The following WNT10A variants were observed in gnomAD, a reference collection of about 807,000 sequenced individuals.
The protein encoded by WNT10A is protein Wnt-10a.
A neutral mutation model predicts 36.1 loss-of-function variants in WNT10A; 37 were observed. The ratio of observed to expected loss-of-function variants is 1.02; its 90% CI spans 0.79 to 1.35. The LOEUF (loss-of-function observed/expected upper bound fraction) is 1.35. Among genes scored for constraint, WNT10A ranks in the 40% most tolerant of loss-of-function variants. The probability of loss-of-function intolerance (pLI) is 0.00; values close to 1 mark genes in which losing one functional copy is unlikely to be tolerated. For missense variants in WNT10A, 613 were observed against 601.4 expected (o/e 1.02, Z -0.20); for synonymous variants, 255 against 254.1 (o/e 1.00, Z -0.03).
intron 3 of WNT10A, among the ~76,000 whole-genome samples, chr2:218,892,499 C>T (rs1944664753): frequency 6.6e-6 from 1 of 152,234 alleles, no homozygotes; most frequent in Non-Finnish European, 1.5e-5. Flanking sequence ...GGGCCCCCTG[C>T]AGCTGCTGGA....
chr2:218,875,481 C>T, the WNT10A span, among the ~76,000 whole-genome samples: 1 of 152,110 alleles, frequency 6.6e-6, no homozygotes, highest in African/African-American at 2.4e-5. Flanking sequence ...TGAGCCACCG[C>T]GCCCGGCCAA....
chr2:218,892,868 G>A lies in WNT10A; in HGVS notation c.851G>A (p.Arg284His), dbSNP rs1187476681. The part of the protein sequence containing the change: ...KTCWQVTPEF[R>H]TVGALLRSRF... ...TGCTGGCAGGTGACGCCCGAGTTCC[G>A]CACCGTGGGGGCGCTGCTGCGCAGC... The change falls in exon 4 of 4, where the codon CGC becomes CAC. Residue 284 changes from arginine (R) to histidine (H), a missense_variant. Transcript: ENST00000258411. 6.3e-7 allele frequency: 1 copy of A among 1,579,098 alleles called. No individual in the cohort carries two copies. Among genetic ancestry groups the A allele is most frequent in the South Asian group, 1.2e-5 (1 of 86,680 alleles).
At chr2:218,880,840 G>A (rs1420179749), upstream of WNT10A, 5 of 815,958 alleles carry the variant, frequency 6.1e-6, no homozygotes, top group South Asian at 6.3e-5. The surrounding 1 kb of genome is among the most constrained non-coding windows in gnomAD (Gnocchi z 7.7). Flanking sequence ...ATGGAGCGGG[G>A]AGGCGGGCGC....
At chr2:218,881,223 A>G in intron 1 of WNT10A, 115 bp downstream of exon 1, 1 of 1,474,948 alleles carries the variant, frequency 6.8e-7, no homozygotes, top group East Asian at 2.5e-5. Context: ...ACAGGGTCAT[A>G]GGAAAGTGCT....
At chr2:218,875,333 C>T in the WNT10A span, among the ~76,000 whole-genome samples, 5 of 151,378 alleles carry the variant, frequency 3.3e-5, no homozygotes, top group African/African-American at 9.7e-5. Context: ...GGACTACAGG[C>T]GCCCACCACC....
Position 218,880,975 on chromosome 2 carries a change from G to A in WNT10A, c.-21G>A. The stretch of plus-strand genomic sequence containing the variant: ...CTGGGCTGTGAGCCCCCCACTCCCA[G>A]CCCGTCAGGGCCTGCGCGCCATGGG... On this transcript the variant is annotated 5_prime_UTR_variant, in exon 1 of 4. Coordinates refer to ENST00000258411, the MANE Select transcript of WNT10A (RefSeq NM_025216.3). This position sits in a 1 kb window ranked among gnomAD's most constrained non-coding sequence, Gnocchi z 7.7. 1 of 1,555,978 alleles carries A rather than the reference G, an allele frequency of 6.4e-7. No individual in the cohort carries two copies. The highest frequency in any genetic ancestry group is 8.7e-7 in the Non-Finnish European group (1 of 1,150,044).
chr2:218,890,971 C>T (rs185159988), intron 3 of WNT10A, among the ~76,000 whole-genome samples: 2 of 152,288 alleles, frequency 1.3e-5, no homozygotes, highest in Admixed American at 6.5e-5. Context: ...TACACACATA[C>T]ATAAAAAAGC....
rs745962060 is a variant in WNT10A, at chr2:218,882,257, G to C, written c.210G>C (p.Arg70=). 2 of 1,614,194 alleles carry C rather than the reference G, an allele frequency of 1.2e-6. No individual in the cohort carries two copies. The highest frequency in any genetic ancestry group is 1.1e-5 in the South Asian group (1 of 91,082). Residue 70 remains arginine, a synonymous_variant, in exon 2 of 4, where the codon CGG becomes CGC. Transcript: ENST00000258411. ...TAACATTGCCAGGCCTGAGCCGGCG[G>C]CAGATGGAGGTGTGTGTGCGTCACC... ...VCLTLPGLSR[R]QMEVCVRHPD... is the part of the protein sequence containing the mutation.
At chr2:218,876,349 A>G (rs1299750306), upstream of WNT10A, among the ~76,000 whole-genome samples, 1 of 152,158 alleles carries the variant, frequency 6.6e-6, no homozygotes, top group East Asian at 1.9e-4. Context: ...AAGGAAAGGG[A>G]GCTCGTTCTG....
At position 218,882,255 on chromosome 2, in the gene WNT10A, C is replaced by T. The variant is rs146460077; in HGVS notation, c.208C>T (p.Arg70Trp). The change falls in exon 2 of 4, where the codon CGG becomes TGG. Residue 70 changes from arginine to tryptophan, a missense_variant. Physicochemically the swap from Arg to Trp is moderately radical, Grantham distance 101. Transcript: ENST00000258411. ...VCLTLPGLSR[R>W]QMEVCVRHPD... ...CCTAACATTGCCAGGCCTGAGCCGG[C>T]GGCAGATGGAGGTGTGTGTGCGTCA... 1.4e-3 allele frequency: 2,197 copies of T among 1,614,174 alleles called. 8 individuals are homozygous for T. Among genetic ancestry groups the T allele is most frequent in the South Asian group, 6.1e-3 (560 of 91,084 alleles).
At chr2:218,877,805 G>T (rs546793108), upstream of WNT10A, among the ~76,000 whole-genome samples, 2 of 152,282 alleles carry the variant, frequency 1.3e-5, no homozygotes, top group Admixed American at 1.3e-4. This position sits in a 1 kb window ranked among gnomAD's most constrained non-coding sequence, Gnocchi z 4.1. Flanking sequence ...CTGAGGGTTG[G>T]TGGCCTCTGA....
intron 2 of WNT10A, among the ~76,000 whole-genome samples, chr2:218,885,024 G>A (rs958132847): frequency 4.6e-5 from 7 of 152,204 alleles, no homozygotes; most frequent in Non-Finnish European, 1.0e-4. Flanking sequence ...CACCTTCTCT[G>A]TAATGAGCTG....
chr2:218,881,050 C>A lies in WNT10A; in HGVS notation c.55C>A (p.Arg19=). 6.2e-7 allele frequency: 1 copy of A among 1,604,248 alleles called. No individual in the cohort carries two copies. Among genetic ancestry groups the A allele is most frequent in the Non-Finnish European group, 8.5e-7 (1 of 1,175,830 alleles). ...GCGGCTCCGACCCCAGCCCCAGCCG[C>A]GGCCAGCGCTCTGGGTGCTCCTGTT... ...WLRLRPQPQP[R]PALWVLLFFL... The change falls in exon 1 of 4, where the codon CGG becomes AGG. Residue 19 remains arginine (R), a synonymous_variant. Coordinates refer to ENST00000258411, the MANE Select transcript of WNT10A (RefSeq NM_025216.3).
intron 3 of WNT10A, among the ~76,000 whole-genome samples, chr2:218,890,903 C>G (rs1169689286): frequency 6.6e-6 from 1 of 152,186 alleles, no homozygotes; most frequent in Non-Finnish European, 1.5e-5. Context: ...CCTTTATCCT[C>G]TGTCCTCAAA....
intron 2 of WNT10A, among the ~76,000 whole-genome samples, chr2:218,889,007 A>G (rs1406024731): frequency 1.3e-5 from 2 of 152,028 alleles, no homozygotes; most frequent in Admixed American, 1.3e-4. Flanking sequence ...GATTTCTGAG[A>G]TTTTGGTGCA....
At position 218,893,255 on chromosome 2, in the gene WNT10A, T is replaced by C; in HGVS notation, c.1238T>C (p.Val413Ala). The C allele has an allele frequency of 6.4e-7, 1 of 1,555,932 alleles. No homozygotes were observed. The highest frequency in any genetic ancestry group is 8.6e-7 in the Non-Finnish European group (1 of 1,157,340). Residue 413 changes from valine (V) to alanine (A), a missense_variant, in exon 4 of 4, where the codon GTC (valine) becomes GCC (alanine). By Grantham distance (64) the Val-to-Ala change is moderately conservative. Transcript: ENST00000258411. The surrounding 1 kb of genome is among the most constrained non-coding windows in gnomAD (Gnocchi z 6.3). ...GAAGAGTGCCGCATCACCGAGTGGG[T>C]CAGCGTCTGCAAGTGAGCGGCCCGG... is the stretch of plus-strand genomic sequence containing the variant. ...VCEECRITEW[V>A]SVCK
the WNT10A span, among the ~76,000 whole-genome samples, chr2:218,874,694 C>T: frequency 6.6e-6 from 1 of 152,164 alleles, no homozygotes; most frequent in African/African-American, 2.4e-5. Flanking sequence ...AGTCCAAATA[C>T]TGCAATGGGG....
intron 2 of WNT10A, chr2:218,884,460 C>T (rs1237031209): frequency 6.6e-6 from 1 of 152,358 alleles, no homozygotes; most frequent in Non-Finnish European, 1.5e-5. Flanking sequence ...GGCCTCAGGA[C>T]ACTGGCCTAC....
chr2:218,892,324 C>G (rs1039338878), intron 3 of WNT10A, among the ~76,000 whole-genome samples: 1 of 146,890 alleles, frequency 6.8e-6, no homozygotes, highest in African/African-American at 2.6e-5. Context: ...CACACACACA[C>G]ACACACACAC....
Sources: allele counts gnomAD v4.1 joint callset (sites outside exome capture counted in the v4.1 genomes callset), GRCh38; gene constraint gnomAD v4.1.1; non-coding constraint Gnocchi (gnomAD v3.1); transcripts MANE v1.5; gene names NCBI Gene and HGNC (gene_info 2026-07-23, HGNC 2026-07-21).